LRRC28: variants seen among roughly 807,000 people sequenced by gnomAD.
LRRC28 encodes the protein leucine rich repeat containing 28.
A neutral mutation model predicts 45.7 loss-of-function variants in LRRC28; 39 were observed. That is an observed-to-expected ratio of 0.85 (90% CI 0.66 to 1.12). The LOEUF (loss-of-function observed/expected upper bound fraction) is 1.12, where lower values mean the gene tolerates loss of function less well. Among genes scored for constraint, LRRC28 ranks in the 50% most tolerant of loss-of-function variants. The pLI is 0.00. For synonymous variants in LRRC28, 206 were observed against 178.8 expected, an observed-to-expected ratio of 1.15 and a Z score of -1.22; for missense variants, 435 against 438.5, an observed-to-expected ratio of 0.99 and a Z score of 0.07.
At chr15:99,333,687 C>T in intron 5 of LRRC28, 4 of 547,990 alleles carry the variant, frequency 7.3e-6, no homozygotes, top group African/African-American at 1.9e-5. Context: ...CTCTTTTTTT[C>T]TCCATGCTAC....
At chr15:99,257,496 ATTGACCTTTGCTTATAAAAGTTAAAT>A in intron 2 of LRRC28, 2 of 389,592 alleles carry the variant, frequency 5.1e-6, no homozygotes, top group South Asian at 4.8e-5. Flanking sequence ...TGTTCAGAGA[ATTGACCTTTGCTTATAAAAGTTAAAT>A]TTGTGGGCGG....
At position 99,388,696 on chromosome 15, in the gene LRRC28, A is replaced by G. The variant is rs1312229641; in HGVS notation, c.*2594A>G. 1 of 152,236 alleles carries G rather than the reference A, an allele frequency of 6.6e-6. No homozygotes were observed. The highest frequency in any genetic ancestry group is 1.5e-5 in the Non-Finnish European group (1 of 68,038). 9.4% of individuals were successfully genotyped at this position (152,236 alleles called of 1,614,324 possible). On this transcript the variant is annotated 3_prime_UTR_variant, in exon 10 of 10. Coordinates refer to ENST00000301981, the MANE Select transcript of LRRC28 (RefSeq NM_144598.5). ...AGAAAAGCAAATCTGAAGTTATTAT[A>G]TATGTTGTTTTCTTGAGCAACAGTT...
intron 5 of LRRC28, among the ~76,000 whole-genome samples, chr15:99,295,298 C>G (rs1434766784): frequency 2.0e-5 from 3 of 152,192 alleles, no homozygotes; most frequent in Non-Finnish European, 4.4e-5. Flanking sequence ...CACCTGGCAT[C>G]AAAACTATAA....
At chr15:99,312,374 A>T (rs1955445887) in intron 5 of LRRC28, among the ~76,000 whole-genome samples, 1 of 152,208 alleles carries the variant, frequency 6.6e-6, no homozygotes, top group Non-Finnish European at 1.5e-5. Context: ...GGGTCAAGAT[A>T]ATCAATATCA....
At chr15:99,257,565 G>C (rs955346476) in intron 2 of LRRC28, 43 of 536,292 alleles carry the variant, frequency 8.0e-5, no homozygotes, top group Non-Finnish European at 3.2e-5. Flanking sequence ...GATCCAACCC[G>C]GGGGTGAGAG....
At chr15:99,379,876 T>C (rs1440983354) in intron 9 of LRRC28, among the ~76,000 whole-genome samples, 2 of 152,370 alleles carry the variant, frequency 1.3e-5, no homozygotes, top group African/African-American at 4.8e-5. Flanking sequence ...AATCCTAAGT[T>C]CTAGTTTGAT....
At chr15:99,285,077 T>A (rs1310910754) in intron 3 of LRRC28, 5 of 684,662 alleles carry the variant, frequency 7.3e-6, no homozygotes, top group Non-Finnish European at 1.4e-5. Context: ...CCATTCACAT[T>A]ATGGTATTTC....
At chr15:99,346,784 C>T (rs1433686714) in intron 6 of LRRC28, among the ~76,000 whole-genome samples, 6 of 151,984 alleles carry the variant, frequency 3.9e-5, no homozygotes, top group Admixed American at 3.9e-4. Context: ...CAACCATTAC[C>T]TATTAAAAAA....
intron 9 of LRRC28, among the ~76,000 whole-genome samples, chr15:99,377,641 G>A (rs1192300694): frequency 2.0e-5 from 3 of 152,126 alleles, no homozygotes; most frequent in Non-Finnish European, 4.4e-5. Context: ...GAATGGTATT[G>A]CCTAGGTTTT....
At chr15:99,368,954 GA>G (rs1394616618) in intron 9 of LRRC28, among the ~76,000 whole-genome samples, 1 of 152,150 alleles carries the variant, frequency 6.6e-6, no homozygotes, top group Non-Finnish European at 1.5e-5. Flanking sequence ...ACTTTGCTTA[GA>G]AATCTCCTCA....
At chr15:99,274,928 A>C (rs1426905230) in intron 2 of LRRC28, among the ~76,000 whole-genome samples, 5 of 152,146 alleles carry the variant, frequency 3.3e-5, no homozygotes, top group African/African-American at 1.2e-4. Context: ...CTCGGGTCAG[A>C]CCTAATGTCT....
rs970879437 is a variant in LRRC28, at chr15:99,388,689, T to C, written c.*2587T>C. On this transcript the variant is annotated 3_prime_UTR_variant, in exon 10 of 10. Coordinates refer to ENST00000301981, the MANE Select transcript of LRRC28 (RefSeq NM_144598.5). ...GCTTTGCAGAAAAGCAAATCTGAAGTTATTATATATGTTGTTTTCTTGAGC... is the reference window on the plus strand; with the variant it reads ...GCTTTGCAGAAAAGCAAATCTGAAGCTATTATATATGTTGTTTTCTTGAGC... 1 of 152,254 alleles carries C rather than the reference T, an allele frequency of 6.6e-6. No homozygotes were observed. Among genetic ancestry groups the C allele is most frequent in the Admixed American group, 6.5e-5 (1 of 15,278 alleles). 9.4% of individuals were successfully genotyped at this position (152,254 alleles called of 1,614,324 possible).
chr15:99,259,514 G>A (rs1034384266), intron 2 of LRRC28: 3 of 1,175,486 alleles, frequency 2.6e-6, no homozygotes, highest in Non-Finnish European at 3.8e-6. Context: ...GATTGAAAAG[G>A]CTATGGTATC....
At chr15:99,286,569 T>C (rs933459943) in intron 3 of LRRC28, 4 of 152,250 alleles carry the variant, frequency 2.6e-5, no homozygotes, top group Admixed American at 6.5e-5. Flanking sequence ...CTTGTTTTGC[T>C]CTGAATAGTT....
intron 5 of LRRC28, among the ~76,000 whole-genome samples, chr15:99,288,371 C>CTTTTTTTTTTTTTTTTTTTTTT (rs67593137): frequency 1.2e-5 from 1 of 82,894 alleles, no homozygotes; most frequent in African/African-American, 5.6e-5. Context: ...TGTACATTAA[C>CTTTTTTTTTTTTTTTTTTTTTT]TTTTTTTTTT....
intron 5 of LRRC28, among the ~76,000 whole-genome samples, chr15:99,320,016 A>T (rs533245382): frequency 1.4e-4 from 21 of 152,206 alleles, no homozygotes; most frequent in Non-Finnish European, 2.8e-4. Context: ...CATGTTGGCC[A>T]GGCTGGTCTC....
chr15:99,295,815 A>G (rs1036013925), intron 5 of LRRC28, among the ~76,000 whole-genome samples: 7 of 152,244 alleles, frequency 4.6e-5, no homozygotes, highest in Non-Finnish European at 8.8e-5. Flanking sequence ...TGTACCACAT[A>G]TAACCAGCAT....
chr15:99,270,406 A>G (rs992385717), intron 2 of LRRC28, among the ~76,000 whole-genome samples: 2 of 151,928 alleles, frequency 1.3e-5, no homozygotes, highest in Admixed American at 1.3e-4. Flanking sequence ...CTCACCCATT[A>G]AGCAGTTCCT....
chr15:99,307,394 A>G (rs566649364), intron 5 of LRRC28, among the ~76,000 whole-genome samples: 1 of 152,362 alleles, frequency 6.6e-6, no homozygotes, highest in South Asian at 2.1e-4. Context: ...AGAATACTAA[A>G]CATCAAAAAT....
Sources: gnomAD v4.1 joint callset for allele counts (sites outside exome capture counted in the v4.1 genomes callset) on GRCh38, gnomAD v4.1.1 for gene constraint, MANE v1.5 for transcripts, NCBI Gene and HGNC (gene_info 2026-07-23, HGNC 2026-07-21) for gene names.